CNST: variants seen among roughly 807,000 people sequenced by gnomAD.
CNST encodes the protein consortin.
A neutral mutation model predicts 72.4 loss-of-function variants in CNST; 39 were observed. The ratio of observed to expected loss-of-function variants is 0.54; its 90% confidence interval spans 0.42 to 0.70. The LOEUF (loss-of-function observed/expected upper bound fraction) is 0.70, where lower values mean the gene tolerates loss of function less well. Ranked by LOEUF, CNST falls within the 30% of genes least tolerant of loss-of-function variation. The pLI is 0.00. For synonymous variants in CNST, 332 were observed against 320.1 expected (o/e 1.04, Z -0.40); for missense variants, 871 against 868.5 (o/e 1.00, Z -0.04).
intron 6 of CNST, among the ~76,000 whole-genome samples, chr1:246,636,352 G>A (rs1231703465): frequency 1.3e-5 from 2 of 152,106 alleles, no homozygotes; most frequent in Non-Finnish European, 2.9e-5. Context: ...AGAATTCAAA[G>A]TGAGGCTGGG....
chr1:246,634,448 T>C (rs756241220), intron 5 of CNST, 25 bp from the exon 6 acceptor site: 2 of 1,390,948 alleles, frequency 1.4e-6, no homozygotes. Context: ...TAAGAGCCAG[T>C]GACTAACAAA....
Position 246,647,746 on chromosome 1 carries a change from A to G in CNST, c.1545A>G (p.Gln515=), listed in dbSNP as rs777472281. The G allele has an allele frequency of 5.5e-5, 88 of 1,614,098 alleles. 1 individual carries two copies. In the Middle Eastern group the frequency reaches 6.6e-4, roughly 12 times the overall value. The change falls in exon 9 of 11, where the codon CAA becomes CAG. Residue 515 remains glutamine (Q), a synonymous_variant. Coordinates refer to ENST00000366513, the MANE Select transcript of CNST (RefSeq NM_152609.3). ...AGAATGTGCTCTGTGGAAATAATCA[A>G]ATATCTGACTTAGGCATACTGCTTC... ...GSENVLCGNN[Q]ISDLGILLPE... is the part of the protein sequence containing the mutation.
intron 1 of CNST, among the ~76,000 whole-genome samples, chr1:246,567,215 TTAAAAA>T (rs1659764230): frequency 6.6e-6 from 1 of 152,208 alleles, no homozygotes; most frequent in South Asian, 2.1e-4. Flanking sequence ...CTTTCTAAGC[TTAAAAA>T]GATTAAGACT....
chr1:246,647,046 T>C, intron 8 of CNST, 93 bp from the exon 9 acceptor site: 1 of 1,113,658 alleles, frequency 9.0e-7, no homozygotes, highest in Non-Finnish European at 1.3e-6. Context: ...GTTAGAATAT[T>C]GCTGTATTAC....
chr1:246,636,962 A>C (rs1665305376), intron 6 of CNST, among the ~76,000 whole-genome samples: 2 of 152,142 alleles, frequency 1.3e-5, no homozygotes, highest in African/African-American at 4.8e-5. Flanking sequence ...CTGACCGTAT[A>C]AGGATCGTGG....
intron 3 of CNST, among the ~76,000 whole-genome samples, chr1:246,622,364 T>A (rs1007478448): frequency 2.0e-5 from 3 of 152,188 alleles, no homozygotes; most frequent in African/African-American, 7.2e-5. Context: ...AGTAAACATA[T>A]GTTAAAGATT....
At position 246,665,953 on chromosome 1, in the gene CNST, G is replaced by T. The variant is rs373809568; in HGVS notation, c.*48G>T. ...CTGGCAGTGAGAGTGAAAGGCGGGA[G>T]ACTTTCTAAACAGTTTTTCTTTCAG... On this transcript the variant is annotated 3_prime_UTR_variant, in exon 11 of 11. Coordinates refer to ENST00000366513, the MANE Select transcript of CNST (RefSeq NM_152609.3). 20 of 1,363,314 alleles carry T rather than the reference G, an allele frequency of 1.5e-5. No individual in the cohort carries two copies. Among genetic ancestry groups the T allele is most frequent in the Non-Finnish European group, 2.0e-5 (19 of 964,988 alleles). 84.5% of individuals were successfully genotyped at this position (1,363,314 alleles called of 1,614,324 possible).
intron 1 of CNST, among the ~76,000 whole-genome samples, chr1:246,577,020 G>A (rs541701824): frequency 1.3e-5 from 2 of 152,030 alleles, no homozygotes; most frequent in African/African-American, 2.4e-5. Flanking sequence ...ATTGGATTAG[G>A]TTTTTATGTT....
intron 4 of CNST, among the ~76,000 whole-genome samples, chr1:246,633,317 T>C (rs1178420095): frequency 6.6e-6 from 1 of 151,544 alleles, no homozygotes; most frequent in Non-Finnish European, 1.5e-5. Flanking sequence ...GGCATGATGG[T>C]GCATGCCTGT....
chr1:246,611,499 C>T (rs753664939), intron 2 of CNST, among the ~76,000 whole-genome samples: 1 of 152,110 alleles, frequency 6.6e-6, no homozygotes, highest in Non-Finnish European at 1.5e-5. Context: ...AAGAGTACTA[C>T]TATTTCATAT....
intron 10 of CNST, among the ~76,000 whole-genome samples, chr1:246,660,971 G>T (rs561300653): frequency 1.3e-5 from 2 of 151,064 alleles, no homozygotes; most frequent in African/African-American, 2.4e-5. Context: ...GTCTTTTGTT[G>T]TTTTTTTGTT....
At chr1:246,566,994 C>G (rs1403559737) in intron 1 of CNST, among the ~76,000 whole-genome samples, 1 of 152,164 alleles carries the variant, frequency 6.6e-6, no homozygotes, top group Non-Finnish European at 1.5e-5. Flanking sequence ...GTTGTGTGGC[C>G]CACAGCCCGC....
rs538872702 is a variant in CNST at position 246,634,737 on chromosome 1, C to T, written c.818+150C>T. 136 of 591,944 alleles carry T rather than the reference C, an allele frequency of 2.3e-4. 1 individual carries two copies. The South Asian group carries it at 2.8e-3, about 12-fold the overall frequency. The allele number at this position is 591,944 out of a possible 1,614,324, so 36.7% of individuals were successfully genotyped here. A position where few individuals can be genotyped will look rare whatever the true frequency, so the allele number is the denominator to read the frequency against. ...TTATTGCAAGGCTCTAGTATTGGTT[C>T]GAACCCCGGGAGCGCGCCAACAGAC... On this transcript the variant is annotated intron_variant, in intron 6 of 10. Transcript: ENST00000366513.
At chr1:246,611,926 C>T (rs550035199) in intron 2 of CNST, among the ~76,000 whole-genome samples, 2 of 152,248 alleles carry the variant, frequency 1.3e-5, no homozygotes, top group East Asian at 1.9e-4. Flanking sequence ...ATACACGCTA[C>T]GTATGGTTGG....
At chr1:246,611,269 A>G (rs1663299235) in intron 2 of CNST, among the ~76,000 whole-genome samples, 1 of 152,206 alleles carries the variant, frequency 6.6e-6, no homozygotes. Context: ...TTCGGTGGTC[A>G]CTGTCTTGTT....
intron 2 of CNST, among the ~76,000 whole-genome samples, chr1:246,617,584 A>G (rs1663790885): frequency 2.0e-5 from 3 of 152,228 alleles, no homozygotes. Context: ...CCCATGTTAC[A>G]GAGGAAAAAA....
In CNST at chr1:246,655,663, G is replaced by A. The variant is rs138693192; in HGVS notation, c.1837-4536G>A. On this transcript the variant is annotated intron_variant, in intron 9 of 10. Transcript: ENST00000366513. ...ATTGTAATATATATTATAGCATATG[G>A]CATAAAGCAACATTTTAATAGTCAT... Among the ~76,000 whole-genome samples, 3 of 152,162 alleles carry A rather than the reference G, an allele frequency of 2.0e-5. No individual in the cohort carries two copies. The East Asian group carries it at 5.8e-4, about 29-fold the overall frequency.
intron 1 of CNST, among the ~76,000 whole-genome samples, chr1:246,586,111 A>G (rs3006081): frequency 0.58 from 59,150 of 102,028 alleles, 15,596 homozygotes; most frequent in Middle Eastern, 0.69. Context: ...ATATATATAT[A>G]TGTGTGTGTG....
chr1:246,569,924 G>A (rs901966714), intron 1 of CNST: 8 of 983,624 alleles, frequency 8.1e-6, no homozygotes, highest in Non-Finnish European at 9.7e-6. Flanking sequence ...CCTTCAAGAA[G>A]ATTGAACTTT....
Sources: gnomAD v4.1 joint callset for allele counts (sites outside exome capture counted in the v4.1 genomes callset) on GRCh38, gnomAD v4.1.1 for gene constraint, MANE v1.5 for transcripts, NCBI Gene and HGNC (gene_info 2026-07-23, HGNC 2026-07-21) for gene names.